Variants in TBC1D5 observed in about 807,000 individuals in gnomAD.
TBC1D5 encodes the protein TBC1 domain family, member 5.
TBC1D5 carries 75 observed loss-of-function variants against 100.3 expected under a neutral mutation model. The ratio of observed to expected loss-of-function variants is 0.75; its 90% CI spans 0.62 to 0.91. The LOEUF (loss-of-function observed/expected upper bound fraction) is 0.91. Ranked by LOEUF, TBC1D5 falls within the 40% of genes least tolerant of loss-of-function variation. The pLI, the probability that TBC1D5 is intolerant of heterozygous loss-of-function variation, is 0.00. For missense variants in TBC1D5, 910 were observed against 942.4 expected, an observed-to-expected ratio of 0.97 and a Z score of 0.45; for synonymous variants, 323 against 325.6, an observed-to-expected ratio of 0.99 and a Z score of 0.09.
intron 3 of TBC1D5, among the ~76,000 whole-genome samples, chr3:17,501,101 A>C (rs1443811900): frequency 5.3e-5 from 8 of 149,586 alleles, no homozygotes; most frequent in African/African-American, 2.0e-4. Context: ...TTTATTTAAC[A>C]ATCTGTCTTG....
chr3:17,186,703 C>CT (rs1230007401), intron 18 of TBC1D5, among the ~76,000 whole-genome samples: 2 of 28,500 alleles, frequency 7.0e-5, no homozygotes, highest in Non-Finnish European at 1.3e-4. Context: ...GAGCAAAACT[C>CT]TATCTCCAAA....
At chr3:17,333,757 T>C (rs1382681435) in intron 13 of TBC1D5, among the ~76,000 whole-genome samples, 3 of 152,130 alleles carry the variant, frequency 2.0e-5, no homozygotes, top group South Asian at 2.1e-4. Context: ...AGAGAAGTGT[T>C]AGATGTTTAA....
At chr3:17,194,696 ATCTT>A (rs1283416984) in intron 18 of TBC1D5, among the ~76,000 whole-genome samples, 4 of 152,240 alleles carry the variant, frequency 2.6e-5, no homozygotes, top group Non-Finnish European at 5.9e-5. Context: ...TTCAGAAGAT[ATCTT>A]TCTGAATATA....
At chr3:17,294,887 G>T (rs1173242624) in intron 14 of TBC1D5, among the ~76,000 whole-genome samples, 1 of 152,114 alleles carries the variant, frequency 6.6e-6, no homozygotes, top group Non-Finnish European at 1.5e-5. Context: ...AGGTAGAAAA[G>T]AATTACACAA....
chr3:17,525,417 C>T (rs1162248580), intron 2 of TBC1D5, among the ~76,000 whole-genome samples: 1 of 152,122 alleles, frequency 6.6e-6, no homozygotes, highest in Non-Finnish European at 1.5e-5. Context: ...AGGTGTGAGC[C>T]ACCACACCCG....
At chr3:17,696,702 T>C (rs1448147631) in intron 1 of TBC1D5, among the ~76,000 whole-genome samples, 1 of 152,186 alleles carries the variant, frequency 6.6e-6, no homozygotes, top group African/African-American at 2.4e-5. Context: ...CCATTCCTTC[T>C]GAAAGTATTC....
At chr3:17,317,620 T>C (rs2084860693) in intron 13 of TBC1D5, among the ~76,000 whole-genome samples, 1 of 152,216 alleles carries the variant, frequency 6.6e-6, no homozygotes, top group African/African-American at 2.4e-5. Context: ...TATATAATAT[T>C]TTTTTAAGGA....
intron 4 of TBC1D5, among the ~76,000 whole-genome samples, chr3:17,427,050 C>CA (rs2094351159): frequency 6.6e-6 from 1 of 151,952 alleles, no homozygotes; most frequent in Non-Finnish European, 1.5e-5. Flanking sequence ...AGCTATGACA[C>CA]ACTCGAATAG....
intron 3 of TBC1D5, among the ~76,000 whole-genome samples, chr3:17,431,890 G>A (rs1407401910): frequency 6.6e-6 from 1 of 152,050 alleles, no homozygotes; most frequent in Non-Finnish European, 1.5e-5. Flanking sequence ...GGTTCCATCT[G>A]TGCACTGTTG....
chr3:17,642,729 C>CAAGACATTTCATTACTAAAACT (rs2064641273), intron 1 of TBC1D5, among the ~76,000 whole-genome samples: 1 of 152,096 alleles, frequency 6.6e-6, no homozygotes, highest in African/African-American at 2.4e-5. Context: ...AGATAAAACC[C>CAAGACATTTCATTACTAAAACT]AAGACATTTC....
intron 1 of TBC1D5, among the ~76,000 whole-genome samples, chr3:17,706,472 A>G (rs117262128): frequency 0.017 from 2,517 of 152,078 alleles, 53 homozygotes; most frequent in South Asian, 0.048. Flanking sequence ...GAGATGTTTT[A>G]CTTTTAAACA....
At position 17,372,066 on chromosome 3, in the gene TBC1D5, A is replaced by T; in HGVS notation, c.995+9T>A. 1 of 1,599,250 alleles carries T rather than the reference A, an allele frequency of 6.3e-7. No individual in the cohort carries two copies. The highest frequency in any genetic ancestry group is 1.3e-5 in the African/African-American group (1 of 74,488). ...AACAAACAAACAAACAAAGAACTTT[A>T]ATACTTACAACCCATATATCTGTGG... is the stretch of plus-strand genomic sequence containing the variant. On this transcript the variant is annotated intron_variant, in intron 13 of 21. Coordinates refer to ENST00000253692, the Ensembl canonical transcript of TBC1D5.
chr3:17,393,912 G>A (rs2093428349), intron 8 of TBC1D5, among the ~76,000 whole-genome samples: 1 of 152,096 alleles, frequency 6.6e-6, no homozygotes, highest in African/African-American at 2.4e-5. Flanking sequence ...ACACAGGCAT[G>A]GACAAAGACT....
At chr3:17,463,791 GC>G (rs996785900) in intron 3 of TBC1D5, among the ~76,000 whole-genome samples, 3 of 152,048 alleles carry the variant, frequency 2.0e-5, no homozygotes, top group African/African-American at 7.3e-5. Context: ...GTACTTCCCA[GC>G]CACTGATCTC....
intron 1 of TBC1D5, among the ~76,000 whole-genome samples, chr3:17,677,677 C>A (rs1193884747): frequency 6.6e-6 from 1 of 152,142 alleles, no homozygotes; most frequent in Non-Finnish European, 1.5e-5. Context: ...AATCATGCTG[C>A]TATAAAGACA....
chr3:17,676,818 A>T (rs1224243780), intron 1 of TBC1D5, among the ~76,000 whole-genome samples: 1 of 152,208 alleles, frequency 6.6e-6, no homozygotes, highest in Admixed American at 6.5e-5. Context: ...AGACCAATGG[A>T]ACAGAACAGA....
Position 17,161,145 on chromosome 3 carries a change from G to T in TBC1D5, c.2206C>A (p.Gln736Lys), listed in dbSNP as rs150988847. ...GTGCTTCTGAGGGTGCGAAGAGGCTGGGCCTGGCCGGAGAAGGAGCCCCTG... is the reference window on the plus strand; with the variant it reads ...GTGCTTCTGAGGGTGCGAAGAGGCTTGGCCTGGCCGGAGAAGGAGCCCCTG... Residue 736 changes from glutamine (Q) to lysine (K), a missense_variant, in exon 22 of 22, where the codon CAG becomes AAG. By Grantham distance (53) the Gln-to-Lys change is moderately conservative. Transcript: ENST00000253692. 6.0e-4 allele frequency: 974 copies of T among 1,614,214 alleles called. No individual in the cohort carries two copies. Among genetic ancestry groups the T allele is most frequent in the Non-Finnish European group, 7.9e-4 (927 of 1,180,038 alleles).
Position 17,663,781 on chromosome 3 carries a change from A to G in TBC1D5, c.-100-39868T>C, listed in dbSNP as rs114922664. 7.0e-3 allele frequency among the ~76,000 whole-genome samples: 1,060 copies of G among 152,322 alleles called. 9 individuals carry two copies. The highest frequency in any genetic ancestry group is 0.024 in the African/African-American group (1,005 of 41,576). The stretch of plus-strand genomic sequence containing the variant: ...GTATATGTAACAGTGGAAAATTCTA[A>G]TAACCCAAATAGTCATCTATGGGAA... On this transcript the variant is annotated intron_variant, in intron 1 of 21. Transcript: ENST00000253692.
At chr3:17,330,765 AC>A (rs1360701892) in intron 13 of TBC1D5, among the ~76,000 whole-genome samples, 1 of 152,096 alleles carries the variant, frequency 6.6e-6, no homozygotes, top group East Asian at 1.9e-4. Context: ...GGACTTCATA[AC>A]CTGGATGCCC....
Sources: allele counts gnomAD v4.1 joint callset (sites outside exome capture counted in the v4.1 genomes callset), GRCh38; gene constraint gnomAD v4.1.1; transcripts MANE v1.5; gene names NCBI Gene and HGNC (gene_info 2026-07-23, HGNC 2026-07-21).